ATG10: variants seen among roughly 807,000 people sequenced by gnomAD.
ATG10 encodes the protein autophagy related 10.
ATG10 carries 30 observed loss-of-function variants against 32.1 expected under a neutral mutation model. The observed-to-expected ratio is 0.94, with a 90% CI of 0.70 to 1.27. The LOEUF is 1.27. Ranked by LOEUF, ATG10 falls within the 50% of genes most tolerant of loss-of-function variation. The pLI is 0.00. For missense variants in ATG10, 233 were observed against 262.3 expected (o/e 0.89, Z 0.77); for synonymous variants, 87 against 91.5 (o/e 0.95, Z 0.28).
intron 3 of ATG10, among the ~76,000 whole-genome samples, chr5:82,125,234 G>T (rs1419677613): frequency 6.6e-6 from 1 of 152,128 alleles, no homozygotes; most frequent in Non-Finnish European, 1.5e-5. Context: ...CATTCTGTAG[G>T]TTGCCTGTTC....
intron 2 of ATG10, among the ~76,000 whole-genome samples, chr5:81,995,144 G>A (rs376675996): frequency 2.6e-5 from 4 of 151,958 alleles, no homozygotes; most frequent in African/African-American, 9.7e-5. Flanking sequence ...GTGTGTGTGT[G>A]TTTTGAGACA....
rs573597406 is a variant in ATG10 at position 81,995,730 on chromosome 5, C to G, written c.108+8052C>G. On this transcript the variant is annotated intron_variant, in intron 2 of 7. Transcript: ENST00000282185. ...AATGATCTGCTGGCAGGCAATGCCACCCTGTAGAAGCTCAGAATGTCCTGT... is the reference window on the plus strand; with the variant it reads ...AATGATCTGCTGGCAGGCAATGCCAGCCTGTAGAAGCTCAGAATGTCCTGT... Among the ~76,000 whole-genome samples the G allele has an allele frequency of 1.6e-4, 25 of 152,222 alleles. No homozygotes were observed. The South Asian group carries it at 4.8e-3, about 29-fold the overall frequency.
At chr5:82,056,757 A>G (rs912484198) in intron 2 of ATG10, among the ~76,000 whole-genome samples, 1 of 152,158 alleles carries the variant, frequency 6.6e-6, no homozygotes, top group Non-Finnish European at 1.5e-5. Context: ...TTCCCTTCTC[A>G]ATCAGGAGAA....
chr5:82,131,891 A>G (rs960090490), intron 3 of ATG10, among the ~76,000 whole-genome samples: 4 of 152,088 alleles, frequency 2.6e-5, no homozygotes, highest in Non-Finnish European at 4.4e-5. Context: ...GGAGGGTGTC[A>G]GGAGGCTTCC....
intron 5 of ATG10, among the ~76,000 whole-genome samples, chr5:82,207,947 T>G (rs1219115245): frequency 6.6e-6 from 1 of 152,224 alleles, no homozygotes; most frequent in Admixed American, 6.5e-5. Flanking sequence ...ATTTTTTAAC[T>G]AATTTATTAT....
intron 5 of ATG10, among the ~76,000 whole-genome samples, chr5:82,212,247 C>T (rs1745523693): frequency 6.6e-6 from 1 of 152,172 alleles, no homozygotes; most frequent in Admixed American, 6.5e-5. Context: ...ACACTCTCTG[C>T]CTTTGCTCTG....
chr5:82,166,437 A>T (rs1743585170), intron 4 of ATG10, among the ~76,000 whole-genome samples: 1 of 152,156 alleles, frequency 6.6e-6, no homozygotes. Flanking sequence ...TAAAATATCA[A>T]ATTTAATTTT....
intron 3 of ATG10, among the ~76,000 whole-genome samples, chr5:82,139,053 G>A (rs1456643693): frequency 6.7e-6 from 1 of 149,610 alleles, no homozygotes; most frequent in Non-Finnish European, 1.5e-5. Context: ...TGTGTTGGCC[G>A]GGCCGGTCTC....
rs560069301 is a variant in ATG10, at chr5:82,144,838, T to G, written c.217-19561T>G. 7.9e-5 allele frequency among the ~76,000 whole-genome samples: 12 copies of G among 152,208 alleles called. No individual in the cohort carries two copies. In the East Asian group the frequency reaches 2.3e-3, roughly 29 times the overall value. ...ATTAGGTCATAAGTCCTCTTTGTTTTGACTAAAATTTTTTTTAGCTTTTCT... is the reference window on the plus strand; with the variant it reads ...ATTAGGTCATAAGTCCTCTTTGTTTGGACTAAAATTTTTTTTAGCTTTTCT... On this transcript the variant is annotated intron_variant, in intron 3 of 7. Coordinates refer to ENST00000282185, the MANE Select transcript of ATG10 (RefSeq NM_031482.5).
At chr5:82,084,393 G>A (rs969750920) in intron 3 of ATG10, among the ~76,000 whole-genome samples, 3 of 152,190 alleles carry the variant, frequency 2.0e-5, no homozygotes, top group Non-Finnish European at 4.4e-5. Flanking sequence ...ATGGAACCAA[G>A]TTGGGAAACA....
At chr5:82,019,743 T>G (rs990275794) in intron 2 of ATG10, among the ~76,000 whole-genome samples, 3 of 152,104 alleles carry the variant, frequency 2.0e-5, no homozygotes, top group Non-Finnish European at 4.4e-5. Context: ...CATTGCTTAG[T>G]TGGGTGTTTG....
intron 1 of ATG10, among the ~76,000 whole-genome samples, chr5:81,987,030 G>A (rs1046154618): frequency 1.1e-4 from 16 of 152,264 alleles, no homozygotes; most frequent in African/African-American, 3.1e-4. Flanking sequence ...ATGACAGAGC[G>A]AGTCTTCATC....
At chr5:82,115,822 G>C (rs916586747) in intron 3 of ATG10, among the ~76,000 whole-genome samples, 5 of 152,060 alleles carry the variant, frequency 3.3e-5, no homozygotes, top group African/African-American at 1.2e-4. Context: ...GATTTCACTG[G>C]ATTCAGATTC....
At chr5:82,128,951 G>A (rs1472452034) in intron 3 of ATG10, among the ~76,000 whole-genome samples, 2 of 151,730 alleles carry the variant, frequency 1.3e-5, no homozygotes, top group East Asian at 2.0e-4. Context: ...TCTGAAAAGT[G>A]TTTTCCAACT....
intron 3 of ATG10, among the ~76,000 whole-genome samples, chr5:82,087,659 C>T (rs891891189): frequency 1.3e-5 from 2 of 152,140 alleles, no homozygotes; most frequent in African/African-American, 4.8e-5. Context: ...CTTCCCCTAT[C>T]CACCCCAACT....
chr5:82,160,782 T>C lies in ATG10; in HGVS notation c.217-3617T>C, dbSNP rs368577736. Among the ~76,000 whole-genome samples the C allele has an allele frequency of 1.1e-4, 16 of 152,318 alleles. No individual in the cohort carries two copies. In the South Asian group the frequency reaches 3.3e-3, roughly 32 times the overall value. ...ATTGAATATCTTCTTTATGTGCTTA[T>C]TTGCCATTGGTATATCCTCTTTGGT... On this transcript the variant is annotated intron_variant, in intron 3 of 7. Coordinates refer to ENST00000282185, the MANE Select transcript of ATG10 (RefSeq NM_031482.5).
chr5:82,188,751 G>A (rs1292434450), intron 5 of ATG10, among the ~76,000 whole-genome samples: 1 of 152,054 alleles, frequency 6.6e-6, no homozygotes, highest in East Asian at 1.9e-4. Context: ...ACCCGTGTAT[G>A]TTTTGAGTCC....
chr5:82,199,853 A>G (rs781501472), intron 5 of ATG10, among the ~76,000 whole-genome samples: 6 of 151,766 alleles, frequency 4.0e-5, no homozygotes, highest in Admixed American at 6.6e-5. Flanking sequence ...CTCTGTCCCT[A>G]TTGTTTTACG....
chr5:82,056,742 A>G (rs1763615707), intron 2 of ATG10, among the ~76,000 whole-genome samples: 1 of 152,130 alleles, frequency 6.6e-6, no homozygotes, highest in Admixed American at 6.6e-5. Flanking sequence ...TCCTCTAAGG[A>G]ACCATTCCCT....
Sources: allele counts gnomAD v4.1 joint callset (sites outside exome capture counted in the v4.1 genomes callset), GRCh38; gene constraint gnomAD v4.1.1; transcripts MANE v1.5; gene names NCBI Gene and HGNC (gene_info 2026-07-23, HGNC 2026-07-21).